Variants in SLC24A4 observed in about 807,000 individuals in gnomAD.
SLC24A4 encodes the protein sodium/potassium/calcium exchanger 4.
SLC24A4 carries 53 observed loss-of-function variants against 79.0 expected under a neutral mutation model. That is an observed-to-expected ratio of 0.67 (90% CI 0.54 to 0.84). The LOEUF (loss-of-function observed/expected upper bound fraction) is 0.84, where lower values mean the gene tolerates loss of function less well. Among genes scored for constraint, SLC24A4 ranks in the 40% least tolerant of loss-of-function variants. The pLI is 0.00. For synonymous variants in SLC24A4, 323 were observed against 323.8 expected (o/e 1.00, Z 0.03); for missense variants, 731 against 822.0 (o/e 0.89, Z 1.35).
chr14:92,326,786 G>C (rs1295624875), intron 2 of SLC24A4, among the ~76,000 whole-genome samples: 2 of 152,098 alleles, frequency 1.3e-5, no homozygotes. Context: ...GGGAACTGTG[G>C]GGTTTTAATA....
chr14:92,433,415 G>A lies in SLC24A4; in HGVS notation c.242-497G>A, dbSNP rs567557480. 3.9e-5 allele frequency among the ~76,000 whole-genome samples: 6 copies of A among 152,290 alleles called. No individual in the cohort carries two copies. In the East Asian group the frequency reaches 1.2e-3, roughly 29 times the overall value. On this transcript the variant is annotated intron_variant, in intron 2 of 16. Transcript: ENST00000532405. ...GCAATATGGCTATGAACATTGATGTGTAAGTTTTAGTGTGGACATTTGCTT... is the reference window on the plus strand; with the variant it reads ...GCAATATGGCTATGAACATTGATGTATAAGTTTTAGTGTGGACATTTGCTT...
intron 2 of SLC24A4, among the ~76,000 whole-genome samples, chr14:92,326,804 C>G (rs542231998): frequency 1.3e-5 from 2 of 151,970 alleles, no homozygotes; most frequent in South Asian, 4.2e-4. Context: ...ATATAGATGG[C>G]TTTGCCACTA....
intron 2 of SLC24A4, among the ~76,000 whole-genome samples, chr14:92,348,684 A>C (rs1168537360): frequency 6.6e-6 from 1 of 152,188 alleles, no homozygotes; most frequent in African/African-American, 2.4e-5. Flanking sequence ...ATACTAAGAC[A>C]AGATTGCCAC....
intron 2 of SLC24A4, among the ~76,000 whole-genome samples, chr14:92,389,027 C>A (rs1889322921): frequency 6.6e-6 from 1 of 152,168 alleles, no homozygotes; most frequent in African/African-American, 2.4e-5. Flanking sequence ...ACTAATATGA[C>A]AACTGGGATT....
chr14:92,421,202 A>G (rs1180208608), intron 2 of SLC24A4, among the ~76,000 whole-genome samples: 2 of 152,222 alleles, frequency 1.3e-5, no homozygotes, highest in Non-Finnish European at 2.9e-5. Flanking sequence ...AAAGTTTTTC[A>G]GTGATAATAT....
chr14:92,443,316 A>G (rs991774666), intron 6 of SLC24A4, 84 bp from the exon 7 acceptor site: 16 of 1,300,138 alleles, frequency 1.2e-5, no homozygotes, highest in African/African-American at 7.2e-5. Flanking sequence ...CATGCCCTGC[A>G]CTGCGGGGGG....
At position 92,483,282 on chromosome 14, in the gene SLC24A4, ATGTGCT is replaced by A. The variant is rs1259406500; in HGVS notation, c.1422+437_1422+442del. On this transcript the variant is annotated intron_variant, in intron 13 of 16. Transcript: ENST00000532405. ...CCCAGGAATGCTCCTCCCCCCACTGATGTGCTGGTGCTGGTTTAAGCCCTTCATATA... is the reference window on the plus strand; with the variant it reads ...CCCAGGAATGCTCCTCCCCCCACTGAGGTGCTGGTTTAAGCCCTTCATATA... Among the ~76,000 whole-genome samples, 4 of 152,222 alleles carry A rather than the reference ATGTGCT, an allele frequency of 2.6e-5. No individual in the cohort carries two copies. The South Asian group carries it at 6.2e-4, about 24-fold the overall frequency.
At chr14:92,434,592 G>A (rs1892063186) in intron 3 of SLC24A4, among the ~76,000 whole-genome samples, 1 of 152,176 alleles carries the variant, frequency 6.6e-6, no homozygotes, top group Non-Finnish European at 1.5e-5. Context: ...GCAGCTCCCA[G>A]TCAGTCACGT....
intron 2 of SLC24A4, among the ~76,000 whole-genome samples, chr14:92,390,719 A>T (rs1358483991): frequency 6.6e-6 from 1 of 152,122 alleles, no homozygotes; most frequent in Admixed American, 6.5e-5. Context: ...GGCTGGCAGC[A>T]TTTTACCAAA....
At chr14:92,336,706 C>T (rs1885822371) in intron 2 of SLC24A4, among the ~76,000 whole-genome samples, 1 of 152,186 alleles carries the variant, frequency 6.6e-6, no homozygotes, top group African/African-American at 2.4e-5. Flanking sequence ...CCAGACCAAG[C>T]CACCTGCCGC....
chr14:92,360,294 T>G (rs769063878), intron 2 of SLC24A4, among the ~76,000 whole-genome samples: 1 of 152,160 alleles, frequency 6.6e-6, no homozygotes, highest in South Asian at 2.1e-4. Context: ...TGAAGTACAG[T>G]GCACCATCGT....
At chr14:92,438,856 C>A (rs1892329673) in intron 3 of SLC24A4, among the ~76,000 whole-genome samples, 1 of 152,284 alleles carries the variant, frequency 6.6e-6, no homozygotes, top group South Asian at 2.1e-4. Context: ...TCTCTCCTCC[C>A]TGGAGGTTGG....
intron 2 of SLC24A4, among the ~76,000 whole-genome samples, chr14:92,418,444 C>T (rs1050728056): frequency 3.9e-5 from 6 of 152,168 alleles, no homozygotes; most frequent in African/African-American, 1.2e-4. Flanking sequence ...AGAAGCAGAG[C>T]CCATGGAGGT....
At chr14:92,392,876 C>T (rs1889556354) in intron 2 of SLC24A4, among the ~76,000 whole-genome samples, 1 of 151,184 alleles carries the variant, frequency 6.6e-6, no homozygotes, top group African/African-American at 2.4e-5. Context: ...ATGAGGAACA[C>T]CTGTTCCACT....
intron 12 of SLC24A4, among the ~76,000 whole-genome samples, chr14:92,475,977 C>G (rs1367087082): frequency 6.6e-6 from 1 of 152,090 alleles, no homozygotes; most frequent in Admixed American, 6.5e-5. Flanking sequence ...CAATGGTGGG[C>G]CGTGACACTG....
chr14:92,350,391 G>A (rs1481801809), intron 2 of SLC24A4, among the ~76,000 whole-genome samples: 1 of 152,078 alleles, frequency 6.6e-6, no homozygotes, highest in Non-Finnish European at 1.5e-5. Flanking sequence ...AGTGACTCCA[G>A]GTAGAAGCAA....
chr14:92,491,605 A>G, intron 14 of SLC24A4, 60 bp from the exon 15 acceptor site: 1 of 1,158,860 alleles, frequency 8.6e-7, no homozygotes, highest in Non-Finnish European at 1.3e-6. Context: ...AGTTAGGAGA[A>G]AGAATACAGG....
chr14:92,396,489 A>G (rs1386014527), intron 2 of SLC24A4, among the ~76,000 whole-genome samples: 3 of 152,232 alleles, frequency 2.0e-5, no homozygotes, highest in African/African-American at 7.2e-5. Flanking sequence ...TTAAAAATAT[A>G]TAAAAGGTTT....
At chr14:92,456,636 G>A in intron 12 of SLC24A4, 28 bp downstream of exon 12, 1 of 1,606,246 alleles carries the variant, frequency 6.2e-7, no homozygotes, top group South Asian at 1.1e-5. Flanking sequence ...TGGACTCTCG[G>A]GCTACATTTT....
Sources: gnomAD v4.1 joint callset for allele counts (sites outside exome capture counted in the v4.1 genomes callset) on GRCh38, gnomAD v4.1.1 for gene constraint, MANE v1.5 for transcripts, NCBI Gene and HGNC (gene_info 2026-07-23, HGNC 2026-07-21) for gene names.